Variants in ATP6V1D observed in about 807,000 individuals in gnomAD.
ATP6V1D encodes ATPase H+ transporting V1 subunit D.
A neutral mutation model predicts 39.4 loss-of-function variants in ATP6V1D; 20 were observed. The ratio of observed to expected loss-of-function variants is 0.51; its 90% CI spans 0.36 to 0.74. The LOEUF (loss-of-function observed/expected upper bound fraction) is 0.74, where lower values mean the gene tolerates loss of function less well. Among genes scored for constraint, ATP6V1D ranks in the 30% least tolerant of loss-of-function variants. ATP6V1D has a pLI of 0.00. For synonymous variants in ATP6V1D, 100 were observed against 100.5 expected (o/e 0.99, Z 0.03); for missense variants, 228 against 291.6 (o/e 0.78, Z 1.59).
At chr14:67,347,543 C>A (rs967132906) in intron 4 of ATP6V1D, 90 bp from the exon 5 acceptor site, 31 of 1,179,950 alleles carry the variant, frequency 2.6e-5, no homozygotes, top group Non-Finnish European at 3.5e-5. Context: ...CTCTTGTCGC[C>A]GAGGCTGGAA....
At chr14:67,352,879 G>C in intron 2 of ATP6V1D, 44 bp downstream of exon 2, 1 of 1,376,920 alleles carries the variant, frequency 7.3e-7, no homozygotes, top group Non-Finnish European at 1.0e-6. Flanking sequence ...GGCCATGCTG[G>C]ATTTTTCTAA....
rs766211611 is a variant in ATP6V1D at position 67,350,604 on chromosome 14, C to T, written c.239+7G>A. ...TTGCTTCAAAACACCCCGTTTAGTC[C>T]CCTTACCTGAAGTCACCTGCTGTGA... is the stretch of plus-strand genomic sequence containing the variant. On this transcript the variant is annotated splice_region_variant and intron_variant, in intron 3 of 8. Coordinates refer to ENST00000216442, the MANE Select transcript of ATP6V1D (RefSeq NM_015994.4). The T allele has an allele frequency of 1.2e-6, 2 of 1,611,600 alleles. No individual in the cohort carries two copies. The highest frequency in any genetic ancestry group is 3.4e-5 in the Admixed American group (2 of 59,622).
In ATP6V1D at chr14:67,357,009, C is replaced by T. The variant is rs145476828; in HGVS notation, c.41+2649G>A. Among the ~76,000 whole-genome samples the T allele has an allele frequency of 9.8e-4, 149 of 152,220 alleles. 3 individuals carry two copies. The Middle Eastern group carries it at 0.017, about 17-fold the overall frequency. ...TTACCATGTTAATTTTATTTTCCTC[C>T]TAGGGAATGGCATCTTTGTGAAATG... On this transcript the variant is annotated intron_variant, in intron 1 of 8. Transcript: ENST00000216442.
At chr14:67,354,131 G>A (rs756802276) in intron 1 of ATP6V1D, among the ~76,000 whole-genome samples, 1 of 152,078 alleles carries the variant, frequency 6.6e-6, no homozygotes, top group Non-Finnish European at 1.5e-5. Flanking sequence ...TATTGTTATA[G>A]CAGCAGAAAA....
intron 6 of ATP6V1D, 133 bp from the exon 7 acceptor site, chr14:67,343,571 A>G (rs2085601034): frequency 1.5e-6 from 1 of 663,786 alleles, no homozygotes; most frequent in Non-Finnish European, 2.6e-6. Flanking sequence ...ATGCTTAAAA[A>G]ACAAAATTCT....
chr14:67,338,541 G>T lies in ATP6V1D; in HGVS notation c.*80C>A. On this transcript the variant is annotated 3_prime_UTR_variant, in exon 9 of 9. Coordinates refer to ENST00000216442, the MANE Select transcript of ATP6V1D (RefSeq NM_015994.4). ...AAATTCTTAGGCCAAAAAATAAATA[G>T]CCACACAAATCAAACCTACACACTG... 1 of 1,393,530 alleles carries T rather than the reference G, an allele frequency of 7.2e-7. No individual in the cohort carries two copies. The highest frequency in any genetic ancestry group is 9.5e-7 in the Non-Finnish European group (1 of 1,048,634). The allele number at this position is 1,393,530 out of a possible 1,614,324, so 86.3% of individuals were successfully genotyped here.
chr14:67,346,470 C>G (rs2085620373), intron 5 of ATP6V1D, among the ~76,000 whole-genome samples: 1 of 152,188 alleles, frequency 6.6e-6, no homozygotes, highest in South Asian at 2.1e-4. Context: ...TGCCACCAGG[C>G]CCAGCTAATT....
intron 6 of ATP6V1D, among the ~76,000 whole-genome samples, chr14:67,344,196 T>G (rs951702903): frequency 6.6e-6 from 1 of 152,234 alleles, no homozygotes; most frequent in African/African-American, 2.4e-5. Context: ...CTCTGTATTG[T>G]ACTCGCCAAT....
chr14:67,353,473 A>C (rs2085668320), intron 1 of ATP6V1D, among the ~76,000 whole-genome samples: 1 of 151,172 alleles, frequency 6.6e-6, no homozygotes, highest in Non-Finnish European at 1.5e-5. Context: ...TAGTAGCAAG[A>C]CTCCTTTTGT....
intron 6 of ATP6V1D, among the ~76,000 whole-genome samples, chr14:67,344,397 T>G (rs769774075): frequency 1.3e-5 from 2 of 152,224 alleles, no homozygotes; most frequent in African/African-American, 2.4e-5. Context: ...GAGTTGACAC[T>G]ATTATAATTT....
rs568580317 is a variant in ATP6V1D, at chr14:67,345,509, C to T, written c.456+259G>A. Among the ~76,000 whole-genome samples the T allele has an allele frequency of 1.7e-4, 26 of 150,468 alleles. No homozygotes were observed. In the South Asian group the frequency reaches 5.3e-3, roughly 31 times the overall value. On this transcript the variant is annotated intron_variant, in intron 6 of 8. Coordinates refer to ENST00000216442, the MANE Select transcript of ATP6V1D (RefSeq NM_015994.4). ...GGCAGAGGTTGCAGTGAGCCGAGGT[C>T]GCGCCATTGCACTCCAGCCTGGGCA...
chr14:67,340,754 A>G (rs112591014), intron 7 of ATP6V1D, among the ~76,000 whole-genome samples: 28,542 of 151,580 alleles, frequency 0.19, 4,279 homozygotes, highest in East Asian at 0.48. Flanking sequence ...CTGCCATCTC[A>G]GCTCACTGCA....
At chr14:67,345,912 A>G (rs760599848) in intron 5 of ATP6V1D, 41 bp from the exon 6 acceptor site, 8 of 1,278,504 alleles carry the variant, frequency 6.3e-6, no homozygotes, top group South Asian at 2.5e-5. Context: ...TTAGAGTAAA[A>G]TATCTTCCCT....
intron 1 of ATP6V1D, among the ~76,000 whole-genome samples, chr14:67,357,419 A>G (rs1595639561): frequency 6.6e-6 from 1 of 152,210 alleles, no homozygotes; most frequent in South Asian, 2.1e-4. Context: ...CATGGGGAAA[A>G]TATTTAGAGA....
At position 67,359,667 on chromosome 14, in the gene ATP6V1D, G is replaced by A. The variant is rs754025532; in HGVS notation, c.32C>T (p.Pro11Leu). The change falls in exon 1 of 9, where the codon CCC (proline) becomes CTC (leucine). Residue 11 changes from proline (P) to leucine (L), a missense_variant. Pro to Leu is a moderately conservative substitution (Grantham distance 98). Coordinates refer to ENST00000216442, the MANE Select transcript of ATP6V1D (RefSeq NM_015994.4). Reference sequence around the variant, plus strand: ...CCATTCCTTTACTTACATTCGCGAGGGAAAGATTTCAATTCGGTCTTTGCC... The same window carrying A: ...CCATTCCTTTACTTACATTCGCGAGAGAAAGATTTCAATTCGGTCTTTGCC... Reference protein sequence around the residue: MSGKDRIEIFPSRMAQTIMKA... With the variant: MSGKDRIEIFLSRMAQTIMKA... 5 of 1,614,024 alleles carry A rather than the reference G, an allele frequency of 3.1e-6. No individual in the cohort carries two copies. In the South Asian group the frequency reaches 3.3e-5, roughly 11 times the overall value.
intron 1 of ATP6V1D, among the ~76,000 whole-genome samples, chr14:67,359,360 A>G (rs1358710181): frequency 6.6e-6 from 1 of 152,206 alleles, no homozygotes; most frequent in East Asian, 1.9e-4. Flanking sequence ...GCCCGGCTCA[A>G]TAAGGGTATG....
chr14:67,359,715 C>T lies in ATP6V1D; in HGVS notation c.-17G>A. The T allele has an allele frequency of 2.5e-6, 4 of 1,613,972 alleles. No homozygotes were observed. Among genetic ancestry groups the T allele is most frequent in the Non-Finnish European group, 3.4e-6 (4 of 1,180,040 alleles). ...GCCCGACATTCTGACGATAACTTTT[C>T]GGCTCGGGTCCCCGGCCGGGCAACC... On this transcript the variant is annotated 5_prime_UTR_variant, in exon 1 of 9. Transcript: ENST00000216442.
chr14:67,350,192 TC>T (rs2085646910), intron 3 of ATP6V1D, among the ~76,000 whole-genome samples: 1 of 152,168 alleles, frequency 6.6e-6, no homozygotes, highest in South Asian at 2.1e-4. Flanking sequence ...CAAAAATTTA[TC>T]CTACGGGAAT....
chr14:67,354,345 T>C lies in ATP6V1D; in HGVS notation c.42-1305A>G, dbSNP rs182538722. Among the ~76,000 whole-genome samples, 191 of 152,364 alleles carry C rather than the reference T, an allele frequency of 1.3e-3. 1 individual carries two copies. The highest frequency in any genetic ancestry group is 3.1e-4 in the Non-Finnish European group (21 of 68,036). On this transcript the variant is annotated intron_variant, in intron 1 of 8. Transcript: ENST00000216442. ...ATTTGATTTGTAAGTTAAAATAATA[T>C]CTTTGTTTTAGTTTCCACTGGAGGT...
Sources: gnomAD v4.1 joint callset for allele counts (sites outside exome capture counted in the v4.1 genomes callset) on GRCh38, gnomAD v4.1.1 for gene constraint, MANE v1.5 for transcripts, NCBI Gene and HGNC (gene_info 2026-07-23, HGNC 2026-07-21) for gene names.